Variants in SETBP1 observed in about 807,000 individuals in gnomAD.
The protein encoded by SETBP1 is SET-binding protein.
SETBP1 carries 9 observed loss-of-function variants against 101.0 expected under a neutral mutation model. The ratio of observed to expected loss-of-function variants is 0.09; its 90% CI spans 0.05 to 0.16. The LOEUF is 0.16. SETBP1 is among the 10% of genes least tolerant of loss of function. The probability of loss-of-function intolerance (pLI) is 1.00; values close to 1 mark genes in which losing one functional copy is unlikely to be tolerated. For synonymous variants in SETBP1, 818 were observed against 788.5 expected, an observed-to-expected ratio of 1.04 and a Z score of -0.63; for missense variants, 1,858 against 2,033.8, an observed-to-expected ratio of 0.91 and a Z score of 1.66.
intron 3 of SETBP1, among the ~76,000 whole-genome samples, chr18:44,873,077 A>C (rs1337050980): frequency 6.8e-6 from 1 of 147,760 alleles, no homozygotes; most frequent in Non-Finnish European, 1.5e-5. Flanking sequence ...GCTGTGGTGG[A>C]AGATAAGAAG....
intron 3 of SETBP1, among the ~76,000 whole-genome samples, chr18:44,878,762 C>A (rs921266676): frequency 6.6e-6 from 1 of 152,162 alleles, no homozygotes; most frequent in Non-Finnish European, 1.5e-5. Context: ...GTCCTTCCAC[C>A]TATCTACTCA....
intron 2 of SETBP1, among the ~76,000 whole-genome samples, chr18:44,714,281 C>G (rs1260842343): frequency 6.6e-6 from 1 of 152,152 alleles, no homozygotes; most frequent in Non-Finnish European, 1.5e-5. Context: ...TCACTGTAAC[C>G]TCCACCTCCC....
chr18:44,848,779 C>T (rs1027917776), intron 2 of SETBP1, among the ~76,000 whole-genome samples: 3 of 152,214 alleles, frequency 2.0e-5, no homozygotes, highest in African/African-American at 7.2e-5. Flanking sequence ...GCAGGTCTGG[C>T]TTCTAACTCC....
intron 2 of SETBP1, among the ~76,000 whole-genome samples, chr18:44,775,164 A>G (rs1397015626): frequency 2.0e-5 from 3 of 152,144 alleles, no homozygotes; most frequent in Non-Finnish European, 4.4e-5. Context: ...TATTGGGGGT[A>G]TAGTTTCATG....
intron 4 of SETBP1, among the ~76,000 whole-genome samples, chr18:44,995,227 C>T (rs553570478): frequency 5.9e-4 from 89 of 150,456 alleles, no homozygotes; most frequent in African/African-American, 2.0e-3. Context: ...CTGCAAGCTC[C>T]GCCTCCTGGG....
At chr18:45,023,260 A>G (rs1218316353) in intron 4 of SETBP1, among the ~76,000 whole-genome samples, 3 of 152,246 alleles carry the variant, frequency 2.0e-5, no homozygotes, top group Non-Finnish European at 2.9e-5. Flanking sequence ...AGAATATGCT[A>G]GTTCAAGTCA....
At chr18:44,908,921 A>C (rs1273948266) in intron 3 of SETBP1, among the ~76,000 whole-genome samples, 2 of 152,192 alleles carry the variant, frequency 1.3e-5, no homozygotes, top group Non-Finnish European at 2.9e-5. Flanking sequence ...AATTCAACCA[A>C]TTTTAATCCT....
intron 4 of SETBP1, among the ~76,000 whole-genome samples, chr18:44,961,216 G>C (rs1268545880): frequency 6.6e-6 from 1 of 152,234 alleles, no homozygotes; most frequent in Non-Finnish European, 1.5e-5. Flanking sequence ...TGCAGAGAAG[G>C]AATGCCAGAA....
chr18:44,806,834 G>T (rs1298380453), intron 2 of SETBP1, among the ~76,000 whole-genome samples: 1 of 151,384 alleles, frequency 6.6e-6, no homozygotes, highest in Non-Finnish European at 1.5e-5. Context: ...ATTGCATCTG[G>T]CTTGGTAATG....
chr18:44,950,059 A>C lies in SETBP1; in HGVS notation c.719A>C (p.Glu240Ala). ...PVTQNCFISP[E>A]SGRETASTSK... ...ACTCAGAATTGCTTCATCAGTCCAG[A>C]GTCTGGCAGAGAAACTGCAAGCACC... is the stretch of plus-strand genomic sequence containing the variant. The change falls in exon 4 of 6, where the codon GAG (glutamate) becomes GCG (alanine). Residue 240 changes from glutamate to alanine, a missense_variant. This residue lies in a region of SETBP1 where 581 missense variants were observed against 535.1 expected (regional missense o/e 1.09). Transcript: ENST00000649279. 6.2e-7 allele frequency: 1 copy of C among 1,614,238 alleles called. No individual in the cohort carries two copies.
At chr18:44,835,406 T>G (rs1297253455) in intron 2 of SETBP1, among the ~76,000 whole-genome samples, 1 of 151,788 alleles carries the variant, frequency 6.6e-6, no homozygotes, top group Non-Finnish European at 1.5e-5. Flanking sequence ...CTTTTTCCCA[T>G]TCCCTGCCTG....
At chr18:44,681,968 C>A (rs2068767055) in intron 1 of SETBP1, among the ~76,000 whole-genome samples, 1 of 152,160 alleles carries the variant, frequency 6.6e-6, no homozygotes, top group Non-Finnish European at 1.5e-5. Flanking sequence ...CCACCTCCTG[C>A]CAACTATCCA....
intron 4 of SETBP1, among the ~76,000 whole-genome samples, chr18:44,990,900 T>C (rs1599418847): frequency 1.0e-5 from 1 of 100,240 alleles, no homozygotes; most frequent in East Asian, 2.6e-4. Flanking sequence ...GAACTAAAGG[T>C]ATAACTTACA....
chr18:44,777,589 C>T (rs2071031489), intron 2 of SETBP1, among the ~76,000 whole-genome samples: 1 of 152,170 alleles, frequency 6.6e-6, no homozygotes, highest in African/African-American at 2.4e-5. Flanking sequence ...CTCACCCCTT[C>T]AGAGCAGACA....
At chr18:44,784,731 A>C (rs1385863414) in intron 2 of SETBP1, among the ~76,000 whole-genome samples, 6 of 152,244 alleles carry the variant, frequency 3.9e-5, no homozygotes, top group Non-Finnish European at 7.3e-5. Flanking sequence ...AGGTTAGTGC[A>C]TGTTGACCGA....
intron 2 of SETBP1, among the ~76,000 whole-genome samples, chr18:44,760,424 A>G (rs948063047): frequency 1.3e-5 from 2 of 152,296 alleles, no homozygotes; most frequent in Middle Eastern, 3.4e-3. Flanking sequence ...CAAGATCTCA[A>G]TGCAGCAGTG....
chr18:44,868,271 G>C (rs1414676472), intron 2 of SETBP1, among the ~76,000 whole-genome samples: 3 of 151,984 alleles, frequency 2.0e-5, no homozygotes, highest in Non-Finnish European at 4.4e-5. Flanking sequence ...AATCCTAATA[G>C]TGTATAAAAT....
intron 2 of SETBP1, among the ~76,000 whole-genome samples, chr18:44,711,033 G>A (rs1185342528): frequency 6.6e-6 from 1 of 152,168 alleles, no homozygotes; most frequent in East Asian, 1.9e-4. Context: ...CACGTCGTAT[G>A]AAGTCTGCCT....
chr18:44,922,510 G>T (rs1449356481), intron 3 of SETBP1, among the ~76,000 whole-genome samples: 1 of 152,228 alleles, frequency 6.6e-6, no homozygotes, highest in African/African-American at 2.4e-5. Flanking sequence ...AATGTAAAGT[G>T]TTGGTGTTGC....
Sources: gnomAD v4.1 joint callset for allele counts (sites outside exome capture counted in the v4.1 genomes callset) on GRCh38, gnomAD v4.1.1 for gene constraint, gnomAD v4.1.1 regional missense constraint, MANE v1.5 for transcripts, NCBI Gene and HGNC (gene_info 2026-07-23, HGNC 2026-07-21) for gene names.